The following PTPN11 variants were observed in gnomAD, a reference collection of about 807,000 sequenced individuals.
PTPN11 encodes tyrosine-protein phosphatase non-receptor type 11.
In PTPN11, 6 loss-of-function variants were observed where a neutral mutation model predicts 78.8. The ratio of observed to expected loss-of-function variants is 0.08; its 90% CI spans 0.04 to 0.15. The LOEUF is 0.15. PTPN11 is among the 10% of genes least tolerant of loss of function. The pLI is 1.00. For synonymous variants in PTPN11, 221 were observed against 263.5 expected, an observed-to-expected ratio of 0.84 and a Z score of 1.56; for missense variants, 386 against 744.8, an observed-to-expected ratio of 0.52 and a Z score of 5.61.
At chr12:112,436,881 T>A (rs1393169458) in intron 1 of PTPN11, among the ~76,000 whole-genome samples, 1 of 152,146 alleles carries the variant, frequency 6.6e-6, no homozygotes, top group African/African-American at 2.4e-5. Context: ...TGAGGTTTTT[T>A]ACCATTTAAT....
intron 9 of PTPN11, among the ~76,000 whole-genome samples, chr12:112,479,998 T>G (rs991715522): frequency 1.1e-4 from 17 of 152,226 alleles, no homozygotes; most frequent in Admixed American, 1.0e-3. Context: ...CAAGCCAGAC[T>G]GTGGACTGTG....
Position 112,482,157 on chromosome 12 carries a change from C to T in PTPN11, c.1176C>T (p.Ala392=), listed in dbSNP as rs759533871. 11 of 1,613,406 alleles carry T rather than the reference C, an allele frequency of 6.8e-6. No individual in the cohort carries two copies. Among genetic ancestry groups the T allele is most frequent in the South Asian group, 2.2e-5 (2 of 91,068 alleles). The change falls in exon 10 of 16, where the codon GCC becomes GCT. Residue 392 remains alanine (A), a synonymous_variant. Transcript: ENST00000351677. This position sits in a 1 kb window ranked among gnomAD's most constrained non-coding sequence, Gnocchi z 4.4. ...GTGTTAGGAACGTCAAAGAAAGCGC[C>T]GCTCATGACTATACGCTAAGAGAAC... ...VMRVRNVKES[A]AHDYTLRELK...
chr12:112,478,306 C>T (rs998726795), intron 9 of PTPN11, among the ~76,000 whole-genome samples: 4 of 151,832 alleles, frequency 2.6e-5, no homozygotes, highest in African/African-American at 9.7e-5. Context: ...GGCATGGTGG[C>T]TCATGCCTGT....
At chr12:112,463,806 T>C (rs189013690) in intron 6 of PTPN11, among the ~76,000 whole-genome samples, 3 of 152,336 alleles carry the variant, frequency 2.0e-5, no homozygotes, top group African/African-American at 4.8e-5. Flanking sequence ...TCATGGAAAC[T>C]GAAGCTATAT....
chr12:112,499,803 T>C (rs952537739), intron 13 of PTPN11, among the ~76,000 whole-genome samples: 1 of 149,298 alleles, frequency 6.7e-6, no homozygotes, highest in African/African-American at 2.5e-5. Flanking sequence ...TAAAAAAAAT[T>C]TGGCTGAGTG....
At position 112,504,384 on chromosome 12, in the gene PTPN11, C is replaced by T. The variant is rs977455607; in HGVS notation, c.1713-311C>T. Among the ~76,000 whole-genome samples the T allele has an allele frequency of 9.2e-5, 14 of 152,290 alleles. No homozygotes were observed. The highest frequency in any genetic ancestry group is 2.1e-4 in the South Asian group (1 of 4,826). On this transcript the variant is annotated intron_variant, in intron 14 of 15. Transcript: ENST00000351677. The surrounding 1 kb of genome is among the most constrained non-coding windows in gnomAD (Gnocchi z 4.7). Reference sequence around the variant, plus strand: ...ATAATTTTTGTATTTTTAGTAGAGACGGGGTTCACCATATTGGCCAGGCTG... The same window carrying T: ...ATAATTTTTGTATTTTTAGTAGAGATGGGGTTCACCATATTGGCCAGGCTG...
rs189017022 is a variant in PTPN11, at chr12:112,475,988, T to C, written c.854-1663T>C. ...AATTTATTTTTTCAATTTTTAGAAATAGACAAGAGTTTCTCTATGTTGCCC... is the reference window on the plus strand; with the variant it reads ...AATTTATTTTTTCAATTTTTAGAAACAGACAAGAGTTTCTCTATGTTGCCC... On this transcript the variant is annotated intron_variant, in intron 7 of 15. Coordinates refer to ENST00000351677, the MANE Select transcript of PTPN11 (RefSeq NM_002834.5). Among the ~76,000 whole-genome samples the C allele has an allele frequency of 1.6e-4, 25 of 152,056 alleles. No homozygotes were observed. In the East Asian group the frequency reaches 3.3e-3, roughly 20 times the overall value.
intron 14 of PTPN11, among the ~76,000 whole-genome samples, chr12:112,502,474 G>A (rs544393429): frequency 1.5e-4 from 23 of 152,258 alleles, no homozygotes; most frequent in South Asian, 1.0e-3. Context: ...GGCCAGGCAC[G>A]GTGGCTAACG....
In PTPN11 at chr12:112,446,364, A is replaced by C. The variant is rs934388335; in HGVS notation, c.103A>C (p.Lys35Gln). The change falls in exon 2 of 16, where the codon AAA becomes CAA. Residue 35 changes from lysine to glutamine, a missense_variant. Lys to Gln is a moderately conservative substitution (Grantham distance 53). Coordinates refer to ENST00000351677, the MANE Select transcript of PTPN11 (RefSeq NM_002834.5). ...TGGCAGTTTTTTGGCAAGGCCTAGT[A>C]AAAGTAACCCTGGAGACTTCACACT... Reference protein sequence around the residue: ...VDGSFLARPSKSNPGDFTLSV... With the variant: ...VDGSFLARPSQSNPGDFTLSV... The C allele has an allele frequency of 6.2e-7, 1 of 1,614,166 alleles. No individual in the cohort carries two copies. The highest frequency in any genetic ancestry group is 8.5e-7 in the Non-Finnish European group (1 of 1,180,026).
intron 7 of PTPN11, among the ~76,000 whole-genome samples, chr12:112,476,489 C>T (rs181529599): frequency 1.3e-5 from 2 of 152,278 alleles, no homozygotes; most frequent in Admixed American, 1.3e-4. Flanking sequence ...AAATACCTGG[C>T]TGGGTGCGGT....
At chr12:112,487,458 T>A (rs1277253025) in intron 11 of PTPN11, among the ~76,000 whole-genome samples, 1 of 151,986 alleles carries the variant, frequency 6.6e-6, no homozygotes, top group African/African-American at 2.4e-5. Context: ...CTACCATAAA[T>A]ATATTTCTCC....
chr12:112,430,233 C>T (rs1004983953), intron 1 of PTPN11, among the ~76,000 whole-genome samples: 2 of 152,050 alleles, frequency 1.3e-5, no homozygotes, highest in Admixed American at 1.3e-4. Context: ...AACTCCCAGC[C>T]TCAGGTGATC....
At chr12:112,490,023 G>T (rs896174791) in intron 13 of PTPN11, among the ~76,000 whole-genome samples, 1 of 152,122 alleles carries the variant, frequency 6.6e-6, no homozygotes, top group Non-Finnish European at 1.5e-5. Context: ...TTTTCAGTCC[G>T]CACAGACATA....
At chr12:112,473,759 T>C (rs1406019544) in intron 7 of PTPN11, among the ~76,000 whole-genome samples, 1 of 150,374 alleles carries the variant, frequency 6.7e-6, no homozygotes, top group Non-Finnish European at 1.5e-5. Flanking sequence ...AGGCGGGAAA[T>C]TGGTTGAACC....
At chr12:112,437,921 G>A (rs998121325) in intron 1 of PTPN11, among the ~76,000 whole-genome samples, 1 of 151,944 alleles carries the variant, frequency 6.6e-6, no homozygotes, top group African/African-American at 2.4e-5. Context: ...ACTCTAATGG[G>A]TTAATTTTTG....
intron 1 of PTPN11, among the ~76,000 whole-genome samples, chr12:112,429,528 G>T (rs565288566): frequency 3.5e-5 from 5 of 144,506 alleles, no homozygotes; most frequent in Non-Finnish European, 7.5e-5. Context: ...TGGGCCAGGC[G>T]CAGTGGCTCA....
chr12:112,469,227 G>A (rs1441617313), intron 6 of PTPN11, among the ~76,000 whole-genome samples: 1 of 152,118 alleles, frequency 6.6e-6, no homozygotes, highest in Non-Finnish European at 1.5e-5. Flanking sequence ...ACCCCATCAC[G>A]GTAGGTAAGA....
chr12:112,461,634 T>A (rs2038250471), intron 6 of PTPN11, among the ~76,000 whole-genome samples: 1 of 152,082 alleles, frequency 6.6e-6, no homozygotes, highest in Non-Finnish European at 1.5e-5. Flanking sequence ...GCTAATTTTT[T>A]AATTTTTATT....
chr12:112,494,902 G>T (rs1337691942), intron 13 of PTPN11, among the ~76,000 whole-genome samples: 1 of 152,104 alleles, frequency 6.6e-6, no homozygotes, highest in Non-Finnish European at 1.5e-5. Flanking sequence ...AATAGGGATT[G>T]TGAGATGATA....
Sources: gnomAD v4.1 joint callset for allele counts (sites outside exome capture counted in the v4.1 genomes callset) on GRCh38, gnomAD v4.1.1 for gene constraint, Gnocchi (gnomAD v3.1) non-coding constraint, MANE v1.5 for transcripts, NCBI Gene and HGNC (gene_info 2026-07-23, HGNC 2026-07-21) for gene names.